Variants in KY observed in about 807,000 individuals in gnomAD.
The protein encoded by KY is kyphoscoliosis peptidase.
Under a neutral mutation model 76.1 loss-of-function variants are expected in KY, and 43 were observed. The observed-to-expected ratio is 0.57, with a 90% CI of 0.44 to 0.73. The LOEUF (loss-of-function observed/expected upper bound fraction) is 0.73. Ranked by LOEUF, KY falls within the 30% of genes least tolerant of loss-of-function variation. The pLI, the probability that KY is intolerant of heterozygous loss-of-function variation, is 0.00. For missense variants in KY, 722 were observed against 828.9 expected, an observed-to-expected ratio of 0.87 and a Z score of 1.58; for synonymous variants, 277 against 326.2, an observed-to-expected ratio of 0.85 and a Z score of 1.63.
intron 2 of KY, among the ~76,000 whole-genome samples, chr3:134,645,255 C>A (rs1464383297): frequency 1.3e-5 from 2 of 152,192 alleles, no homozygotes; most frequent in Non-Finnish European, 2.9e-5. Flanking sequence ...TGGGCCCAAA[C>A]ACCTGCTGCT....
chr3:134,612,796 T>TGTGTGTGG (rs1553807340), intron 8 of KY, among the ~76,000 whole-genome samples: 1 of 148,978 alleles, frequency 6.7e-6, no homozygotes, highest in African/African-American at 2.5e-5. Context: ...TGTGTGTGTG[T>TGTGTGTGG]TGCCTGCATG....
chr3:134,601,009 T>A lies in KY; in HGVS notation c.*2570A>T, dbSNP rs1416798545. ...GTGTGCAGCGCCGGCAGCTCCGCAC[T>A]TCGGACACCTGGGGGCGCCCGTGCC... On this transcript the variant is annotated 3_prime_UTR_variant, in exon 11 of 11. Transcript: ENST00000423778. 2.0e-5 allele frequency: 3 copies of A among 152,190 alleles called. No individual in the cohort carries two copies. The highest frequency in any genetic ancestry group is 4.4e-5 in the Non-Finnish European group (3 of 68,032). 9.4% of individuals were successfully genotyped at this position (152,190 alleles called of 1,614,324 possible). A position where few individuals can be genotyped will look rare whatever the true frequency, so the allele number is the denominator to read the frequency against.
In KY at chr3:134,600,349, C is replaced by T. The variant is rs1316124568; in HGVS notation, c.*3230G>A. 6.6e-6 allele frequency among the ~76,000 whole-genome samples: 1 copy of T among 152,248 alleles called. No homozygotes were observed. Among genetic ancestry groups the T allele is most frequent in the African/African-American group, 2.4e-5 (1 of 41,468 alleles). On this transcript the variant is annotated 3_prime_UTR_variant, in exon 11 of 11. Coordinates refer to ENST00000423778, the MANE Select transcript of KY (RefSeq NM_178554.6). ...AAACTTTCTTGGCAACTTGTCCCTC[C>T]TGCTTAACAACAGGAAATAGTTCTT... is the stretch of plus-strand genomic sequence containing the variant.
intron 3 of KY, among the ~76,000 whole-genome samples, chr3:134,635,240 T>C (rs896801428): frequency 2.6e-5 from 4 of 152,188 alleles, no homozygotes; most frequent in African/African-American, 9.6e-5. Context: ...CTCATGCCTG[T>C]AATCCCAGCA....
chr3:134,632,388 A>G (rs1233652943), intron 3 of KY, among the ~76,000 whole-genome samples: 3 of 152,046 alleles, frequency 2.0e-5, no homozygotes, highest in African/African-American at 7.2e-5. Flanking sequence ...AAAAAGTTGA[A>G]GAGAACTGAA....
intron 9 of KY, among the ~76,000 whole-genome samples, 172 bp downstream of exon 9, chr3:134,610,023 C>T (rs997110868): frequency 6.6e-6 from 1 of 152,130 alleles, no homozygotes; most frequent in African/African-American, 2.4e-5. Flanking sequence ...GGTCTGGGCC[C>T]TCACAATTGG....
intron 8 of KY, among the ~76,000 whole-genome samples, chr3:134,616,614 C>T (rs1320389079): frequency 6.6e-6 from 1 of 152,128 alleles, no homozygotes; most frequent in Non-Finnish European, 1.5e-5. Flanking sequence ...ATGGTAATCA[C>T]CATGTTGGAA....
Position 134,620,739 on chromosome 3 carries a change from G to C in KY, c.592+10C>G. On this transcript the variant is annotated intron_variant, in intron 7 of 10. Transcript: ENST00000423778. Reference sequence around the variant, plus strand: ...GATTCTAGAGCCAGAAATTCCACAGGGGGGCCTACCTATGTGATGGCAGAT... The same window carrying C: ...GATTCTAGAGCCAGAAATTCCACAGCGGGGCCTACCTATGTGATGGCAGAT... 6.2e-7 allele frequency: 1 copy of C among 1,603,874 alleles called. No individual in the cohort carries two copies. The highest frequency in any genetic ancestry group is 8.5e-7 in the Non-Finnish European group (1 of 1,171,618).
intron 3 of KY, among the ~76,000 whole-genome samples, chr3:134,638,727 T>C (rs2107971191): frequency 6.6e-6 from 1 of 152,312 alleles, no homozygotes; most frequent in East Asian, 1.9e-4. Context: ...TTTCACCCAG[T>C]CAGGTTTCTT....
intron 8 of KY, among the ~76,000 whole-genome samples, chr3:134,614,073 G>C (rs1342046428): frequency 6.6e-6 from 1 of 152,192 alleles, no homozygotes; most frequent in Non-Finnish European, 1.5e-5. Context: ...TGGAAGGAGG[G>C]TGGATATGGG....
intron 8 of KY, among the ~76,000 whole-genome samples, chr3:134,616,558 C>T (rs1332243508): frequency 3.3e-5 from 5 of 152,128 alleles, no homozygotes; most frequent in Non-Finnish European, 4.4e-5. Flanking sequence ...TTCAGGGGAC[C>T]GTGAGCTATT....
intron 5 of KY, among the ~76,000 whole-genome samples, chr3:134,627,296 C>G (rs529077488): frequency 3.2e-4 from 49 of 152,252 alleles, no homozygotes; most frequent in African/African-American, 1.1e-3. Flanking sequence ...TAGATGACAT[C>G]TGGTCTACTG....
At chr3:134,636,798 T>G (rs1965039610) in intron 3 of KY, among the ~76,000 whole-genome samples, 1 of 152,268 alleles carries the variant, frequency 6.6e-6, no homozygotes, top group Non-Finnish European at 1.5e-5. Flanking sequence ...CTTTAAATTT[T>G]TATCAGTGAA....
intron 10 of KY, chr3:134,607,508 C>T: frequency 1.0e-6 from 1 of 985,696 alleles, no homozygotes; most frequent in Non-Finnish European, 1.2e-6. Context: ...ACGGTGCCAC[C>T]AGGCAGTCCT....
chr3:134,616,874 C>T (rs991868237), intron 8 of KY, among the ~76,000 whole-genome samples: 1 of 152,164 alleles, frequency 6.6e-6, no homozygotes. Flanking sequence ...GGGTTGGTAA[C>T]CCCCAAACTG....
chr3:134,629,059 A>G (rs1397774874), intron 4 of KY, among the ~76,000 whole-genome samples: 1 of 152,170 alleles, frequency 6.6e-6, no homozygotes, highest in African/African-American at 2.4e-5. Context: ...AGGACCGAGA[A>G]GGGAGTTGGG....
At chr3:134,638,715 C>G (rs1965313444) in intron 3 of KY, among the ~76,000 whole-genome samples, 1 of 152,260 alleles carries the variant, frequency 6.6e-6, no homozygotes, top group African/African-American at 2.4e-5. Context: ...TACTGCCCTG[C>G]CTTTCACCCA....
chr3:134,650,505 T>G (rs1966855503), intron 1 of KY, among the ~76,000 whole-genome samples: 1 of 152,136 alleles, frequency 6.6e-6, no homozygotes, highest in African/African-American at 2.4e-5. Context: ...GCCGCCTTCC[T>G]CCAGGGTATC....
Position 134,608,899 on chromosome 3 carries a change from A to G in KY, c.900-60T>C, listed in dbSNP as rs1054741483. On this transcript the variant is annotated intron_variant, in intron 9 of 10. Transcript: ENST00000423778. Reference sequence around the variant, plus strand: ...CATGCAGGGGAGGCAGGGGCCCAATACACCCACCGGAGTGGTCCTATGGAC... The same window carrying G: ...CATGCAGGGGAGGCAGGGGCCCAATGCACCCACCGGAGTGGTCCTATGGAC... 32 of 1,546,144 alleles carry G rather than the reference A, an allele frequency of 2.1e-5. No individual in the cohort carries two copies. In the African/African-American group the frequency reaches 4.3e-4, roughly 21 times the overall value.
Sources: gnomAD v4.1 joint callset for allele counts (sites outside exome capture counted in the v4.1 genomes callset) on GRCh38, gnomAD v4.1.1 for gene constraint, MANE v1.5 for transcripts, NCBI Gene and HGNC (gene_info 2026-07-23, HGNC 2026-07-21) for gene names.